The following SLC39A11 variants were observed in gnomAD, a reference collection of about 807,000 sequenced individuals.
The protein encoded by SLC39A11 is solute carrier family 39 member 11.
Under a neutral mutation model 36.1 loss-of-function variants are expected in SLC39A11, and 33 were observed. The observed-to-expected ratio is 0.91, with a 90% CI of 0.69 to 1.22. The LOEUF (loss-of-function observed/expected upper bound fraction) is 1.22. SLC39A11 is among the 50% of genes most tolerant of loss of function. The pLI is 0.00. For synonymous variants in SLC39A11, 166 were observed against 170.3 expected, an observed-to-expected ratio of 0.97 and a Z score of 0.20; for missense variants, 432 against 430.3, an observed-to-expected ratio of 1.00 and a Z score of -0.03.
At position 72,991,296 on chromosome 17, in the gene SLC39A11, TTTAG is replaced by T. The variant is rs756703192; in HGVS notation, c.306+40256_306+40259del. ...ACTATTATTTTATACAATTTCAAAC[TTTAG>T]TTAAATAGTATTTTACTGTATGTAG... On this transcript the variant is annotated intron_variant, in intron 4 of 9. Transcript: ENST00000255559. Among the ~76,000 whole-genome samples, 5 of 152,298 alleles carry T rather than the reference TTTAG, an allele frequency of 3.3e-5. No individual in the cohort carries two copies. The East Asian group carries it at 9.6e-4, about 29-fold the overall frequency.
At chr17:72,808,265 C>T (rs1010456480) in intron 6 of SLC39A11, among the ~76,000 whole-genome samples, 3 of 152,158 alleles carry the variant, frequency 2.0e-5, no homozygotes, top group African/African-American at 7.2e-5. Context: ...CTCCAAATAT[C>T]AATGTTTTGA....
chr17:72,713,163 G>A (rs938546018), intron 7 of SLC39A11, among the ~76,000 whole-genome samples: 3 of 152,198 alleles, frequency 2.0e-5, no homozygotes, highest in South Asian at 2.1e-4. Context: ...TTAGCCCGTG[G>A]AGTTCGTGGT....
At position 72,647,508 on chromosome 17, in the gene SLC39A11, A is replaced by G; in HGVS notation, c.*76T>C. Reference sequence around the variant, plus strand: ...GAAAAAAGTTTTAATGTGAAGAAAGAAGCTTGTTGTCCCATAGAAGCCAAC... The same window carrying G: ...GAAAAAAGTTTTAATGTGAAGAAAGGAGCTTGTTGTCCCATAGAAGCCAAC... On this transcript the variant is annotated 3_prime_UTR_variant, in exon 10 of 10. Transcript: ENST00000255559. 1 of 1,218,696 alleles carries G rather than the reference A, an allele frequency of 8.2e-7. No individual in the cohort carries two copies. The highest frequency in any genetic ancestry group is 2.5e-5 in the East Asian group (1 of 40,480). The allele number at this position is 1,218,696 out of a possible 1,614,324, so 75.5% of individuals were successfully genotyped here.
At chr17:72,920,545 T>C (rs1276370585) in intron 5 of SLC39A11, among the ~76,000 whole-genome samples, 2 of 151,610 alleles carry the variant, frequency 1.3e-5, no homozygotes, top group African/African-American at 4.9e-5. Flanking sequence ...TCCCTAACCA[T>C]GCTCCCTAAA....
intron 3 of SLC39A11, among the ~76,000 whole-genome samples, chr17:73,035,026 C>G (rs1379541684): frequency 6.6e-6 from 1 of 152,228 alleles, no homozygotes; most frequent in Non-Finnish European, 1.5e-5. Context: ...TCCTTGTGAG[C>G]CTCCCTGCCT....
chr17:73,021,168 C>G (rs2058339828), intron 4 of SLC39A11, among the ~76,000 whole-genome samples: 1 of 152,118 alleles, frequency 6.6e-6, no homozygotes, highest in East Asian at 1.9e-4. Context: ...ACTACCAGCA[C>G]CACGATCAAT....
intron 5 of SLC39A11, among the ~76,000 whole-genome samples, chr17:72,936,742 G>C (rs940134376): frequency 2.1e-5 from 3 of 142,964 alleles, no homozygotes; most frequent in Admixed American, 7.2e-5. Flanking sequence ...TCTACACATA[G>C]GAGGTGGGGG....
At chr17:72,941,859 A>T (rs2085122891) in intron 5 of SLC39A11, among the ~76,000 whole-genome samples, 1 of 114,748 alleles carries the variant, frequency 8.7e-6, no homozygotes, top group Non-Finnish European at 2.0e-5. Flanking sequence ...GGTTTGCTTC[A>T]TTCTATTTAT....
intron 7 of SLC39A11, among the ~76,000 whole-genome samples, chr17:72,682,541 CCCA>C (rs965462402): frequency 2.0e-5 from 3 of 152,160 alleles, no homozygotes; most frequent in African/African-American, 7.2e-5. Flanking sequence ...GCCCCCAAGC[CCCA>C]CATTATCCAA....
chr17:73,027,626 G>A (rs940496484), intron 4 of SLC39A11, among the ~76,000 whole-genome samples: 3 of 152,192 alleles, frequency 2.0e-5, no homozygotes, highest in Admixed American at 2.0e-4. Flanking sequence ...CTCCAACAGA[G>A]GGACAGATAA....
intron 5 of SLC39A11, among the ~76,000 whole-genome samples, chr17:72,919,253 T>A (rs1021604912): frequency 3.9e-4 from 59 of 151,852 alleles, no homozygotes; most frequent in African/African-American, 1.4e-3. Context: ...CTGCCCACTC[T>A]TGCTGATAAT....
At chr17:73,055,746 T>C (rs1157644974) in intron 3 of SLC39A11, among the ~76,000 whole-genome samples, 1 of 152,136 alleles carries the variant, frequency 6.6e-6, no homozygotes, top group Non-Finnish European at 1.5e-5. Context: ...GTGCTGGGAT[T>C]AGTAAGCCAC....
chr17:72,949,286 G>A (rs1340148109), intron 4 of SLC39A11, among the ~76,000 whole-genome samples: 2 of 149,876 alleles, frequency 1.3e-5, no homozygotes, highest in Non-Finnish European at 3.0e-5. Flanking sequence ...TCAGCCTCCC[G>A]AGTAGCTGGG....
chr17:72,950,169 G>A (rs1214362264), intron 4 of SLC39A11, among the ~76,000 whole-genome samples: 3 of 152,018 alleles, frequency 2.0e-5, no homozygotes, highest in Non-Finnish European at 2.9e-5. Context: ...ACTTATTTGC[G>A]ATGTCCTCTA....
intron 6 of SLC39A11, among the ~76,000 whole-genome samples, chr17:72,784,364 A>G (rs575532763): frequency 1.3e-5 from 2 of 151,948 alleles, no homozygotes; most frequent in Admixed American, 1.3e-4. Context: ...ACAAAACAAA[A>G]AGGTTGGGGG....
At chr17:72,652,907 G>A (rs78146702) in intron 7 of SLC39A11, among the ~76,000 whole-genome samples, 1,654 of 152,116 alleles carry the variant, frequency 0.011, 40 homozygotes, top group African/African-American at 0.038. Context: ...AGAAACTCCC[G>A]GGAGATGTGG....
intron 5 of SLC39A11, among the ~76,000 whole-genome samples, chr17:72,905,203 G>C (rs1396852082): frequency 8.6e-6 from 1 of 116,346 alleles, no homozygotes; most frequent in African/African-American, 3.5e-5. Flanking sequence ...AAAAAAGATA[G>C]CACAGGCCAT....
Position 72,727,579 on chromosome 17 carries a change from G to C in SLC39A11, c.671+9071C>G, listed in dbSNP as rs1261571746. ...AGGCAGGAGAATGGTGTGAGCTCAG[G>C]AGGTGGAGGTTGCAGTGAGCTGAGA... is the stretch of plus-strand genomic sequence containing the variant. On this transcript the variant is annotated intron_variant, in intron 7 of 9. Coordinates refer to ENST00000255559, the MANE Select transcript of SLC39A11 (RefSeq NM_139177.4). 2.0e-5 allele frequency among the ~76,000 whole-genome samples: 3 copies of C among 150,946 alleles called. No homozygotes were observed. The East Asian group carries it at 5.8e-4, about 29-fold the overall frequency.
chr17:72,851,777 T>C (rs2079341232), intron 5 of SLC39A11, among the ~76,000 whole-genome samples: 2 of 152,214 alleles, frequency 1.3e-5, no homozygotes, highest in Non-Finnish European at 2.9e-5. Flanking sequence ...ATTTCTATAC[T>C]TTATTTCCTG....
Sources: allele counts gnomAD v4.1 joint callset (sites outside exome capture counted in the v4.1 genomes callset), GRCh38; gene constraint gnomAD v4.1.1; transcripts MANE v1.5; gene names NCBI Gene and HGNC (gene_info 2026-07-23, HGNC 2026-07-21).